Variants in LRFN1 observed in about 807,000 individuals in gnomAD.
The protein encoded by LRFN1 is leucine-rich repeat and fibronectin type III domain-containing protein 1.
In LRFN1, 20 loss-of-function variants were observed where a neutral mutation model predicts 31.8. The ratio of observed to expected loss-of-function variants is 0.63; its 90% CI spans 0.44 to 0.91. LRFN1 has a LOEUF of 0.91. Among genes scored for constraint, LRFN1 ranks in the 40% least tolerant of loss-of-function variants. LRFN1 has a pLI of 0.00. For missense variants in LRFN1, 912 were observed against 1,129.8 expected (o/e 0.81, Z 2.76); for synonymous variants, 514 against 541.3 (o/e 0.95, Z 0.70).
Position 39,308,186 on chromosome 19 carries a change from CCGTTGGTCTGCGA to C in LRFN1, c.1750_1762del (p.Ser584AlafsTer100). 6.3e-7 allele frequency: 1 copy of C among 1,595,230 alleles called. No homozygotes were observed. On this transcript the variant is annotated frameshift_variant, in exon 5 of 5. Coordinates refer to ENST00000248668, the MANE Select transcript of LRFN1 (RefSeq NM_020862.2). LOFTEE classifies it low-confidence loss of function (END_TRUNC). This position sits in a 1 kb window ranked among gnomAD's most constrained non-coding sequence, Gnocchi z 6.2. ...GGCCTGTGCCGCGCCTGTGCCTGCG[CCGTTGGTCTGCGA>C]GCACACGTGGCTGACCCGCGGGAGC... is the stretch of plus-strand genomic sequence containing the variant.
At chr19:39,318,041 C>G (rs764478539) in intron 2 of LRFN1, among the ~76,000 whole-genome samples, 2 of 152,060 alleles carry the variant, frequency 1.3e-5, no homozygotes, top group Non-Finnish European at 2.9e-5. Flanking sequence ...CTTGCTTTCC[C>G]AAACACCTTA....
chr19:39,320,382 G>A (rs1024280219), intron 1 of LRFN1, among the ~76,000 whole-genome samples: 7 of 150,792 alleles, frequency 4.6e-5, no homozygotes, highest in South Asian at 2.1e-4. Context: ...CCACAGACCC[G>A]GGGATGGACA....
Position 39,308,575 on chromosome 19 carries a change from G to T in LRFN1, c.1407-33C>A. The T allele has an allele frequency of 6.5e-7, 1 of 1,543,460 alleles. No homozygotes were observed. The highest frequency in any genetic ancestry group is 8.7e-7 in the Non-Finnish European group (1 of 1,149,534). On this transcript the variant is annotated intron_variant, in intron 4 of 4. Coordinates refer to ENST00000248668, the MANE Select transcript of LRFN1 (RefSeq NM_020862.2). The surrounding 1 kb of genome is among the most constrained non-coding windows in gnomAD (Gnocchi z 6.2). The stretch of plus-strand genomic sequence containing the variant: ...AGGGGGCGGGTTCAGGGCGGGGTTA[G>T]TCCCCCCGAACCACGCCCCTTCGCT...
chr19:39,315,260 G>A lies in LRFN1; in HGVS notation c.77C>T (p.Ala26Val), dbSNP rs1471040629. Residue 26 changes from alanine to valine, a missense_variant, in exon 4 of 5, where the codon GCG becomes GTG. Physicochemically the swap from Ala to Val is moderately conservative, Grantham distance 64 (BLOSUM62 0). Coordinates refer to ENST00000248668, the MANE Select transcript of LRFN1 (RefSeq NM_020862.2). This position sits in a 1 kb window ranked among gnomAD's most constrained non-coding sequence, Gnocchi z 4.7. ...AALPFLLLLW[A>V]GASRGQPCPG... is the part of the protein sequence containing the mutation. ...GCAGGGCTGGCCACGAGATGCCCCC[G>A]CCCAGAGCAGCAGCAGAAAGGGCAG... 8.5e-6 allele frequency: 13 copies of A among 1,534,602 alleles called. No individual in the cohort carries two copies. Among genetic ancestry groups the A allele is most frequent in the East Asian group, 2.4e-5 (1 of 42,226 alleles).
chr19:39,310,892 C>A (rs1264791611), intron 4 of LRFN1, among the ~76,000 whole-genome samples: 1 of 152,164 alleles, frequency 6.6e-6, no homozygotes. Flanking sequence ...CAATCAGGGC[C>A]CCGCCCCTTC....
At chr19:39,317,293 G>A (rs930960409) in intron 2 of LRFN1, among the ~76,000 whole-genome samples, 4 of 152,036 alleles carry the variant, frequency 2.6e-5, no homozygotes, top group African/African-American at 4.8e-5. Flanking sequence ...GGCTGAAGGC[G>A]GAAAAAGAGG....
Position 39,316,065 on chromosome 19 carries a change from C to A in LRFN1, c.-38+17G>T, listed in dbSNP as rs2075171288. On this transcript the variant is annotated intron_variant, in intron 3 of 4. Transcript: ENST00000248668. ...AAGCCATACTCCCTAGCTCCAAATC[C>A]CAGCTCTGATACTTACTAGCTGTGT... The A allele has an allele frequency of 6.6e-6, 1 of 152,178 alleles. No homozygotes were observed. 9.4% of individuals were successfully genotyped at this position (152,178 alleles called of 1,614,324 possible). A position where few individuals can be genotyped will look rare whatever the true frequency, so the allele number is the denominator to read the frequency against.
chr19:39,315,204 G>A lies in LRFN1; in HGVS notation c.133C>T (p.Pro45Ser). 2.5e-6 allele frequency: 4 copies of A among 1,581,236 alleles called. No individual in the cohort carries two copies. Among genetic ancestry groups the A allele is most frequent in the Non-Finnish European group, 3.4e-6 (4 of 1,170,504 alleles). Residue 45 changes from proline to serine, a missense_variant, in exon 4 of 5, where the codon CCC becomes TCC. Physicochemically the swap from Pro to Ser is moderately conservative, Grantham distance 74. Around this residue, in one of 2 missense-constraint regions of LRFN1, gnomAD observed 401 missense variants for 572.7 expected, o/e 0.70. Transcript: ENST00000248668. This position sits in a 1 kb window ranked among gnomAD's most constrained non-coding sequence, Gnocchi z 4.7. Reference protein sequence around the residue: ...PGRCICQNVAPTLTMLCAKTG... With the variant: ...PGRCICQNVASTLTMLCAKTG... ...TTGGCGCACAGCATTGTCAGTGTGGGCGCCACGTTCTGGCAGATGCAGCGG... is the reference window on the plus strand; with the variant it reads ...TTGGCGCACAGCATTGTCAGTGTGGACGCCACGTTCTGGCAGATGCAGCGG...
rs2075169554 is a variant in LRFN1, at chr19:39,315,573, C to G, written c.-37-200G>C. Among the ~76,000 whole-genome samples, 1 of 152,114 alleles carries G rather than the reference C, an allele frequency of 6.6e-6. No homozygotes were observed. Among genetic ancestry groups the G allele is most frequent in the Admixed American group, 6.5e-5 (1 of 15,280 alleles). The stretch of plus-strand genomic sequence containing the variant: ...GTGGCTCACGCCTGTAATCCCAGCA[C>G]TTTGGGAGGCCGAGGCAGGCGGATC... On this transcript the variant is annotated intron_variant, in intron 3 of 4. Transcript: ENST00000248668. This position sits in a 1 kb window ranked among gnomAD's most constrained non-coding sequence, Gnocchi z 4.7.
At position 39,307,768 on chromosome 19, in the gene LRFN1, C is replaced by A; in HGVS notation, c.2181G>T (p.Lys727Asn). ...HSYPRRARRT[K>N]RHRSTPHLDG... ...CCAGGTGCGGCGTGGACCGGTGGCGCTTTGTCCGCCGGGCGCGGCGCGGGT... is the reference window on the plus strand; with the variant it reads ...CCAGGTGCGGCGTGGACCGGTGGCGATTTGTCCGCCGGGCGCGGCGCGGGT... The change falls in exon 5 of 5, where the codon AAG (lysine) becomes AAT (asparagine). Residue 727 changes from lysine (K) to asparagine (N), a missense_variant. Physicochemically the swap from Lys to Asn is moderately conservative, Grantham distance 94. Coordinates refer to ENST00000248668, the MANE Select transcript of LRFN1 (RefSeq NM_020862.2). The surrounding 1 kb of genome is among the most constrained non-coding windows in gnomAD (Gnocchi z 6.7). 6.7e-7 allele frequency: 1 copy of A among 1,489,340 alleles called. No individual in the cohort carries two copies. The highest frequency in any genetic ancestry group is 1.5e-5 in the African/African-American group (1 of 68,900). The allele number at this position is 1,489,340 out of a possible 1,614,324, so 92.3% of individuals were successfully genotyped here.
rs1253871543 is a variant in LRFN1 at position 39,315,320 on chromosome 19, A to G, written c.17T>C (p.Phe6Ser). Residue 6 changes from phenylalanine (F) to serine (S), a missense_variant, in exon 4 of 5, where the codon TTC becomes TCC. Physicochemically the swap from Phe to Ser is radical, Grantham distance 155. Around this residue, in one of 2 missense-constraint regions of LRFN1, gnomAD observed 401 missense variants for 572.7 expected, o/e 0.70. Transcript: ENST00000248668. This position sits in a 1 kb window ranked among gnomAD's most constrained non-coding sequence, Gnocchi z 4.7. ...CGGCGGCGAGAGGAGGGCCGAGGAG[A>G]AGGGTCCTGGAGCCATGGTGCAGTG... MAPGP[F>S]SSALLSPPPA... The G allele has an allele frequency of 6.8e-7, 1 of 1,479,036 alleles. No homozygotes were observed. Among genetic ancestry groups the G allele is most frequent in the African/African-American group, 1.4e-5 (1 of 72,022 alleles). 91.6% of individuals were successfully genotyped at this position (1,479,036 alleles called of 1,614,324 possible). A position where few individuals can be genotyped will look rare whatever the true frequency, so the allele number is the denominator to read the frequency against.
rs751865144 is a variant in LRFN1 at position 39,308,565 on chromosome 19, G to A, written c.1407-23C>T. On this transcript the variant is annotated intron_variant, in intron 4 of 4. Transcript: ENST00000248668. The surrounding 1 kb of genome is among the most constrained non-coding windows in gnomAD (Gnocchi z 6.2). ...ATCCTGTAGGAGGGGGCGGGTTCAG[G>A]GCGGGGTTAGTCCCCCCGAACCACG... 1.9e-5 allele frequency: 29 copies of A among 1,539,982 alleles called. No individual in the cohort carries two copies. Among genetic ancestry groups the A allele is most frequent in the Non-Finnish European group, 2.3e-5 (26 of 1,141,020 alleles).
In LRFN1 at chr19:39,307,894, AG is replaced by A; in HGVS notation, c.2054del (p.Pro685LeufsTer3). ...GALEPPTSAP[P>X]TLALVPGGAA... ...CTCCCCCAGGAACTAGAGCTAGAGT[AG>A]GGGGCGCCGAGGTTGGTGGCTCCAG... On this transcript the variant is annotated frameshift_variant, in exon 5 of 5. Transcript: ENST00000248668. LOFTEE classifies it high-confidence loss of function. The surrounding 1 kb of genome is among the most constrained non-coding windows in gnomAD (Gnocchi z 6.7). The A allele has an allele frequency of 6.4e-7, 1 of 1,564,838 alleles. No homozygotes were observed.
Position 39,314,192 on chromosome 19 carries a change from G to A in LRFN1, c.1145C>T (p.Pro382Leu). 6.2e-7 allele frequency: 1 copy of A among 1,613,316 alleles called. No homozygotes were observed. Among genetic ancestry groups the A allele is most frequent in the South Asian group, 1.1e-5 (1 of 91,082 alleles). ...CAGAGGTACCACGCACACCTCCACG[G>A]GCGCCGTCGCTTCCCCAGCAGCATT... ...ASNAAGEATA[P>L]VEVCVVPLPL... Residue 382 changes from proline to leucine, a missense_variant, in exon 4 of 5, where the codon CCC becomes CTC. Physicochemically the swap from Pro to Leu is moderately conservative, Grantham distance 98. Coordinates refer to ENST00000248668, the MANE Select transcript of LRFN1 (RefSeq NM_020862.2).
intron 4 of LRFN1, among the ~76,000 whole-genome samples, chr19:39,311,898 T>C (rs1296319093): frequency 6.2e-5 from 9 of 145,028 alleles, no homozygotes; most frequent in South Asian, 2.2e-4. Context: ...TTTTTTTTTT[T>C]CCAGAGGGAG....
In LRFN1 at chr19:39,309,068, C is replaced by T. The variant is rs141238596; in HGVS notation, c.1407-526G>A. ...TATTCCTACTGGAACAATGGATGCTCTTCTAGTTCCTCTTTTATACATATT... is the reference window on the plus strand; with the variant it reads ...TATTCCTACTGGAACAATGGATGCTTTTCTAGTTCCTCTTTTATACATATT... On this transcript the variant is annotated intron_variant, in intron 4 of 4. Transcript: ENST00000248668. Among the ~76,000 whole-genome samples the T allele has an allele frequency of 5.3e-4, 80 of 152,348 alleles. 1 individual carries two copies. The highest frequency in any genetic ancestry group is 1.4e-3 in the African/African-American group (57 of 41,584).
At position 39,307,312 on chromosome 19, in the gene LRFN1, G is replaced by A. The variant is rs1005942723; in HGVS notation, c.*321C>T. 54 of 400,088 alleles carry A rather than the reference G, an allele frequency of 1.3e-4. No homozygotes were observed. Among genetic ancestry groups the A allele is most frequent in the Non-Finnish European group, 2.2e-4 (49 of 226,746 alleles). The allele number at this position is 400,088 out of a possible 1,614,324, so 24.8% of individuals were successfully genotyped here. A position where few individuals can be genotyped will look rare whatever the true frequency, so the allele number is the denominator to read the frequency against. On this transcript the variant is annotated 3_prime_UTR_variant, in exon 5 of 5. Transcript: ENST00000248668. This position sits in a 1 kb window ranked among gnomAD's most constrained non-coding sequence, Gnocchi z 6.7. ...TGTCTCAGTGCTGCAGTGTCAGGGG[G>A]CCCTGCCCCTCCCCGCGCTTCGCTG...
chr19:39,313,247 T>C (rs564590036), intron 4 of LRFN1, among the ~76,000 whole-genome samples: 150 of 152,302 alleles, frequency 9.8e-4, no homozygotes, highest in Non-Finnish European at 1.7e-3. Context: ...AATGTCGCTG[T>C]AGGCTAGGCA....
intron 4 of LRFN1, among the ~76,000 whole-genome samples, chr19:39,309,478 C>CAAAAAAAAAAAAAAAAAAAAAA (rs71169583): frequency 6.2e-5 from 2 of 32,004 alleles, no homozygotes; most frequent in African/African-American, 1.5e-4. Context: ...ACAAACAAAC[C>CAAAAAAAAAAAAAAAAAAAAAA]AAAAAAAAAA....
Sources: allele counts gnomAD v4.1 joint callset (sites outside exome capture counted in the v4.1 genomes callset), GRCh38; gene constraint gnomAD v4.1.1; regional missense constraint gnomAD v4.1.1; non-coding constraint Gnocchi (gnomAD v3.1); transcripts MANE v1.5; gene names NCBI Gene and HGNC (gene_info 2026-07-23, HGNC 2026-07-21).